The following UMAD1 variants were observed in gnomAD, a reference collection of about 807,000 sequenced individuals.
UMAD1 encodes the protein UBAP1-MVB12-associated (UMA) domain containing 1.
In UMAD1, 8 loss-of-function variants were observed where a neutral mutation model predicts 6.1. The observed-to-expected ratio is 1.30, with a 90% confidence interval of 0.76 to 2.35. UMAD1 has a LOEUF of 2.35. UMAD1 is among the 30% of genes most tolerant of loss of function. The pLI is 0.00. For missense variants in UMAD1, 130 were observed against 78.4 expected, an observed-to-expected ratio of 1.66 and a Z score of -2.49; for synonymous variants, 56 against 31.4, an observed-to-expected ratio of 1.78 and a Z score of -2.61.
intron 1 of UMAD1, among the ~76,000 whole-genome samples, chr7:7,643,013 A>AT (rs946345198): frequency 2.6e-5 from 4 of 151,300 alleles, no homozygotes; most frequent in East Asian, 1.9e-4. Context: ...CGTAGATCAT[A>AT]TTTTTTTTTC....
chr7:7,694,997 C>G (rs80223012), intron 2 of UMAD1, among the ~76,000 whole-genome samples: 1 of 152,172 alleles, frequency 6.6e-6, no homozygotes, highest in South Asian at 2.1e-4. Flanking sequence ...AATTTACATT[C>G]CCACCAACAG....
chr7:7,727,987 C>T (rs933031435), intron 2 of UMAD1, among the ~76,000 whole-genome samples: 12 of 151,608 alleles, frequency 7.9e-5, no homozygotes, highest in African/African-American at 2.9e-4. Flanking sequence ...ATATCTATTC[C>T]ATTAGTTTTG....
chr7:7,734,978 G>C (rs1781323041), intron 2 of UMAD1, among the ~76,000 whole-genome samples: 1 of 151,952 alleles, frequency 6.6e-6, no homozygotes, highest in South Asian at 2.1e-4. Context: ...GTATTTTATA[G>C]TCCTAAAATT....
At chr7:7,843,165 C>T (rs1783715305) in intron 3 of UMAD1, among the ~76,000 whole-genome samples, 1 of 152,162 alleles carries the variant, frequency 6.6e-6, no homozygotes, top group African/African-American at 2.4e-5. Flanking sequence ...CAGAAGATGC[C>T]ATTTTAAGTT....
intron 2 of UMAD1, among the ~76,000 whole-genome samples, chr7:7,698,793 C>G (rs574072335): frequency 2.0e-5 from 3 of 151,658 alleles, no homozygotes; most frequent in South Asian, 4.2e-4. Flanking sequence ...GAATTCATCT[C>G]AAAGTGATTT....
intron 3 of UMAD1, among the ~76,000 whole-genome samples, chr7:7,863,598 G>A (rs1784157301): frequency 1.3e-5 from 2 of 152,240 alleles, no homozygotes; most frequent in East Asian, 1.9e-4. Context: ...TGTGGTTAAT[G>A]TGCCTTTTTT....
chr7:7,683,607 T>C (rs1445102022), intron 2 of UMAD1, among the ~76,000 whole-genome samples: 3 of 151,980 alleles, frequency 2.0e-5, no homozygotes, highest in African/African-American at 7.2e-5. Context: ...TCCTATGAAA[T>C]GAAATTTGTT....
At chr7:7,659,513 C>T (rs923883314) in intron 1 of UMAD1, among the ~76,000 whole-genome samples, 4 of 152,106 alleles carry the variant, frequency 2.6e-5, no homozygotes, top group Non-Finnish European at 5.9e-5. Flanking sequence ...TATTTTTGTT[C>T]TCATTGGTTT....
At chr7:7,801,568 G>A (rs1782799163) in intron 2 of UMAD1, 102 bp from the exon 3 acceptor site, 7 of 629,226 alleles carry the variant, frequency 1.1e-5, no homozygotes, top group Non-Finnish European at 2.0e-5. Context: ...CTTCCATGAT[G>A]TGAAACATAT....
At chr7:7,655,650 A>G (rs1378819467) in intron 1 of UMAD1, among the ~76,000 whole-genome samples, 1 of 152,186 alleles carries the variant, frequency 6.6e-6, no homozygotes, top group Non-Finnish European at 1.5e-5. Context: ...TTATTAACTC[A>G]TATAACTTCC....
intron 2 of UMAD1, among the ~76,000 whole-genome samples, chr7:7,678,735 A>G (rs1377783880): frequency 0.31 from 6,032 of 19,570 alleles, 79 homozygotes; most frequent in Non-Finnish European, 0.37. Context: ...ATATATTTAT[A>G]TATTTAGTTT....
At chr7:7,770,591 G>T (rs1782080440) in intron 2 of UMAD1, among the ~76,000 whole-genome samples, 1 of 152,130 alleles carries the variant, frequency 6.6e-6, no homozygotes, top group South Asian at 2.1e-4. Context: ...GTCGAATTAA[G>T]GTGATGGTGA....
At position 7,808,047 on chromosome 7, in the gene UMAD1, C is replaced by A. The variant is rs193148941; in HGVS notation, c.156+6304C>A. Among the ~76,000 whole-genome samples the A allele has an allele frequency of 5.1e-4, 77 of 152,060 alleles. 1 individual carries two copies. Among genetic ancestry groups the A allele is most frequent in the Middle Eastern group, 3.4e-3 (1 of 294 alleles). On this transcript the variant is annotated intron_variant, in intron 3 of 3. Transcript: ENST00000682710. ...TTTAAGAGTCATTTGTAACTTTTAA[C>A]AAAGTTCACCATGTTTTTGGTATGG...
At chr7:7,712,379 C>T (rs1244766684) in intron 2 of UMAD1, among the ~76,000 whole-genome samples, 1 of 152,100 alleles carries the variant, frequency 6.6e-6, no homozygotes, top group Non-Finnish European at 1.5e-5. Context: ...TTCCTTAATA[C>T]ATTTTTGTAA....
chr7:7,665,809 G>T (rs1779435077), intron 1 of UMAD1, among the ~76,000 whole-genome samples: 1 of 150,930 alleles, frequency 6.6e-6, no homozygotes, highest in South Asian at 2.1e-4. Flanking sequence ...ATATTGTCTG[G>T]CTTCTTTCCA....
intron 3 of UMAD1, among the ~76,000 whole-genome samples, chr7:7,822,563 G>T (rs1783261562): frequency 6.6e-6 from 1 of 152,120 alleles, no homozygotes; most frequent in African/African-American, 2.4e-5. Context: ...TATCCCACCA[G>T]CACACAGACC....
At chr7:7,696,318 C>T (rs960548441) in intron 2 of UMAD1, among the ~76,000 whole-genome samples, 1 of 150,556 alleles carries the variant, frequency 6.6e-6, no homozygotes, top group Non-Finnish European at 1.5e-5. Context: ...AAAAACACCC[C>T]AAAACAAATG....
intron 2 of UMAD1, among the ~76,000 whole-genome samples, chr7:7,718,182 A>G (rs1220343588): frequency 6.6e-6 from 1 of 152,162 alleles, no homozygotes; most frequent in East Asian, 1.9e-4. Context: ...AACTTGAGTG[A>G]TTTTTCCAAA....
chr7:7,774,078 T>A (rs756574792), intron 2 of UMAD1, among the ~76,000 whole-genome samples: 1 of 152,196 alleles, frequency 6.6e-6, no homozygotes, highest in Non-Finnish European at 1.5e-5. Context: ...TGATAGCTGG[T>A]GCTTTTTCTG....
Sources: gnomAD v4.1 joint callset for allele counts (sites outside exome capture counted in the v4.1 genomes callset) on GRCh38, gnomAD v4.1.1 for gene constraint, MANE v1.5 for transcripts, NCBI Gene and HGNC (gene_info 2026-07-23, HGNC 2026-07-21) for gene names.